CNGB3: variants seen among roughly 807,000 people sequenced by gnomAD.
CNGB3 encodes cyclic nucleotide gated channel subunit beta 3.
A neutral mutation model predicts 92.8 loss-of-function variants in CNGB3; 86 were observed. That is an observed-to-expected ratio of 0.93 (90% confidence interval 0.78 to 1.11). The LOEUF is 1.11. Ranked by LOEUF, CNGB3 falls within the 50% of genes least tolerant of loss-of-function variation. The pLI is 0.00. For missense variants in CNGB3, 1,026 were observed against 956.8 expected (o/e 1.07, Z -0.95); for synonymous variants, 333 against 332.7 (o/e 1.00, Z -0.01).
At chr8:86,621,335 C>T (rs1276600292) in intron 13 of CNGB3, among the ~76,000 whole-genome samples, 6 of 152,134 alleles carry the variant, frequency 3.9e-5, no homozygotes, top group African/African-American at 1.2e-4. Flanking sequence ...ATAAGACATA[C>T]ATTTTCATTG....
chr8:86,629,994 C>T (rs1373270903), intron 11 of CNGB3, among the ~76,000 whole-genome samples: 1 of 152,054 alleles, frequency 6.6e-6, no homozygotes. Context: ...GCTTTTGAGC[C>T]TTTTCTGCTT....
chr8:86,720,394 A>G lies in CNGB3; in HGVS notation c.338+6137T>C, dbSNP rs961204811. Reference sequence around the variant, plus strand: ...ATACAAATGGCCAACAAGCATATGGAAAAATTCTCAACATCACTAATTATC... The same window carrying G: ...ATACAAATGGCCAACAAGCATATGGGAAAATTCTCAACATCACTAATTATC... On this transcript the variant is annotated intron_variant, in intron 3 of 17. Coordinates refer to ENST00000320005, the MANE Select transcript of CNGB3 (RefSeq NM_019098.5). Among the ~76,000 whole-genome samples, 32 of 152,350 alleles carry G rather than the reference A, an allele frequency of 2.1e-4. 1 individual carries two copies. In the Middle Eastern group the frequency reaches 0.01, roughly 49 times the overall value.
At chr8:86,590,612 T>A (rs1822006723) in intron 15 of CNGB3, among the ~76,000 whole-genome samples, 1 of 151,942 alleles carries the variant, frequency 6.6e-6, no homozygotes, top group African/African-American at 2.4e-5. Context: ...TTAGTTTGGC[T>A]GGATATGAAA....
intron 15 of CNGB3, among the ~76,000 whole-genome samples, chr8:86,600,453 A>G (rs972617744): frequency 6.6e-5 from 10 of 152,152 alleles, no homozygotes; most frequent in African/African-American, 2.4e-4. Context: ...GTTTCTATCA[A>G]ATCACAATTA....
At chr8:86,700,104 C>T (rs1405683848) in intron 3 of CNGB3, among the ~76,000 whole-genome samples, 1 of 151,784 alleles carries the variant, frequency 6.6e-6, no homozygotes, top group East Asian at 1.9e-4. Flanking sequence ...GAAACGAGAC[C>T]TAAGCATTTC....
chr8:86,659,311 G>A (rs1823584464), intron 6 of CNGB3: 1 of 1,133,320 alleles, frequency 8.8e-7, no homozygotes, highest in South Asian at 1.2e-5. Flanking sequence ...GCTTCCAGCT[G>A]TGCCTGCTCC....
chr8:86,621,343 T>C (rs905534438), intron 13 of CNGB3, among the ~76,000 whole-genome samples: 9 of 152,238 alleles, frequency 5.9e-5, no homozygotes, highest in African/African-American at 2.2e-4. Flanking sequence ...TACATTTTCA[T>C]TGTGCTTAGT....
At chr8:86,686,273 C>T (rs1273876172) in intron 3 of CNGB3, among the ~76,000 whole-genome samples, 1 of 152,078 alleles carries the variant, frequency 6.6e-6, no homozygotes, top group South Asian at 2.1e-4. Flanking sequence ...CAGCACATAG[C>T]TGTAAAACTT....
intron 10 of CNGB3, among the ~76,000 whole-genome samples, chr8:86,636,850 T>C (rs71525061): frequency 6.6e-6 from 1 of 152,168 alleles, no homozygotes; most frequent in Non-Finnish European, 1.5e-5. Flanking sequence ...GGTCAGACGG[T>C]ATTTCTCTTT....
intron 13 of CNGB3, among the ~76,000 whole-genome samples, chr8:86,625,744 A>C (rs1822833472): frequency 6.6e-6 from 1 of 152,174 alleles, no homozygotes; most frequent in African/African-American, 2.4e-5. Context: ...ATGCAAGAAG[A>C]GTCTGAAGAA....
rs145634387 is a variant in CNGB3, at chr8:86,633,169, G to C, written c.1179-276C>G. 1.3e-3 allele frequency among the ~76,000 whole-genome samples: 203 copies of C among 152,208 alleles called. 1 individual carries two copies. Among genetic ancestry groups the C allele is most frequent in the African/African-American group, 4.7e-3 (196 of 41,534 alleles). Reference sequence around the variant, plus strand: ...TTTTTATTAGGCTTATAGTTTTATGGGTCAGAATTTTGTGCAAAGCCCAAC... The same window carrying C: ...TTTTTATTAGGCTTATAGTTTTATGCGTCAGAATTTTGTGCAAAGCCCAAC... On this transcript the variant is annotated intron_variant, in intron 10 of 17. Transcript: ENST00000320005.
At chr8:86,687,650 T>C (rs973965521) in intron 3 of CNGB3, among the ~76,000 whole-genome samples, 1 of 152,100 alleles carries the variant, frequency 6.6e-6, no homozygotes. Flanking sequence ...TAAATGCTAC[T>C]GTGAATGTAT....
chr8:86,729,402 T>A (rs1447331086), intron 2 of CNGB3, among the ~76,000 whole-genome samples: 1 of 152,248 alleles, frequency 6.6e-6, no homozygotes, highest in Non-Finnish European at 1.5e-5. Context: ...TGGATAAAAT[T>A]AATTCTAGGT....
chr8:86,591,618 C>T (rs575086349), intron 15 of CNGB3, among the ~76,000 whole-genome samples: 20 of 152,216 alleles, frequency 1.3e-4, no homozygotes, highest in African/African-American at 2.6e-4. Context: ...GTCAGTGTGC[C>T]CCTGCTGGAG....
chr8:86,590,084 C>T (rs2131545135), intron 15 of CNGB3, among the ~76,000 whole-genome samples: 2 of 151,744 alleles, frequency 1.3e-5, no homozygotes, highest in Middle Eastern at 3.4e-3. Context: ...ATCCCTTTAC[C>T]ATTATGTAAT....
At chr8:86,586,235 A>G (rs928946531) in intron 15 of CNGB3, among the ~76,000 whole-genome samples, 4 of 152,210 alleles carry the variant, frequency 2.6e-5, no homozygotes, top group African/African-American at 9.6e-5. Flanking sequence ...GCTGTTTGTA[A>G]TCTAGGCATG....
intron 6 of CNGB3, chr8:86,658,291 C>G: frequency 2.0e-6 from 1 of 512,698 alleles, no homozygotes; most frequent in Admixed American, 2.7e-5. Flanking sequence ...ACCATGGCCT[C>G]CCGACTCTCC....
chr8:86,682,277 C>T (rs1824096575), intron 3 of CNGB3, among the ~76,000 whole-genome samples: 1 of 152,226 alleles, frequency 6.6e-6, no homozygotes, highest in South Asian at 2.1e-4. Flanking sequence ...CCCAGATGGA[C>T]TTACTGCATG....
At chr8:86,737,489 C>A (rs117655318) in intron 2 of CNGB3, among the ~76,000 whole-genome samples, 601 of 152,066 alleles carry the variant, frequency 4.0e-3, no homozygotes, top group Non-Finnish European at 7.2e-3. Context: ...CAGAGCGGTC[C>A]TTTTTTTAAA....
Sources: gnomAD v4.1 joint callset for allele counts (sites outside exome capture counted in the v4.1 genomes callset) on GRCh38, gnomAD v4.1.1 for gene constraint, MANE v1.5 for transcripts, NCBI Gene and HGNC (gene_info 2026-07-23, HGNC 2026-07-21) for gene names.